Variants in ZNF431 observed in about 807,000 individuals in gnomAD.
The protein encoded by ZNF431 is zinc finger protein 431.
In ZNF431, 34 loss-of-function variants were observed where a neutral mutation model predicts 57.0. The ratio of observed to expected loss-of-function variants is 0.60; its 90% confidence interval spans 0.45 to 0.79. The LOEUF is 0.79. Among genes scored for constraint, ZNF431 ranks in the 30% least tolerant of loss-of-function variants. The pLI is 0.00. For missense variants in ZNF431, 607 were observed against 667.1 expected, an observed-to-expected ratio of 0.91 and a Z score of 0.99; for synonymous variants, 207 against 220.3, an observed-to-expected ratio of 0.94 and a Z score of 0.54.
At chr19:21,173,895 A>AT (rs1269845895) in intron 4 of ZNF431, among the ~76,000 whole-genome samples, 1 of 151,424 alleles carries the variant, frequency 6.6e-6, no homozygotes, top group Non-Finnish European at 1.5e-5. Context: ...GGTTTTTCCC[A>AT]TTTGAATATC....
intron 2 of ZNF431, among the ~76,000 whole-genome samples, chr19:21,160,863 C>T (rs1256799531): frequency 6.6e-6 from 1 of 152,118 alleles, no homozygotes. Flanking sequence ...GCTTCCATTT[C>T]ATATGGTCAT....
chr19:21,177,602 CAT>C (rs1971095627), intron 4 of ZNF431, among the ~76,000 whole-genome samples: 1 of 152,086 alleles, frequency 6.6e-6, no homozygotes, highest in Admixed American at 6.6e-5. Context: ...GCCTGGCTAA[CAT>C]AGTGAAACCC....
At chr19:21,145,907 G>A (rs1477609386) in intron 2 of ZNF431, among the ~76,000 whole-genome samples, 1 of 152,066 alleles carries the variant, frequency 6.6e-6, no homozygotes, top group East Asian at 1.9e-4. Context: ...ATCAGAGAAT[G>A]TTTTACCATG....
chr19:21,150,027 T>C lies in ZNF431; in HGVS notation c.96+6384T>C, dbSNP rs1970225113. The C allele has an allele frequency of 6.7e-6, 4 of 592,746 alleles. No individual in the cohort carries two copies. In the East Asian group the frequency reaches 1.5e-4, roughly 22 times the overall value. The allele number at this position is 592,746 out of a possible 1,614,324, so 36.7% of individuals were successfully genotyped here. ...TCCACCAAGGTGGTGACAGTGTTAATTCCTGCTCGAAGGACACGTGGTCTC... is the reference window on the plus strand; with the variant it reads ...TCCACCAAGGTGGTGACAGTGTTAACTCCTGCTCGAAGGACACGTGGTCTC... On this transcript the variant is annotated intron_variant, in intron 2 of 4. Coordinates refer to ENST00000311048, the MANE Select transcript of ZNF431 (RefSeq NM_133473.4).
intron 2 of ZNF431, among the ~76,000 whole-genome samples, chr19:21,153,417 A>G (rs973898047): frequency 6.6e-6 from 1 of 152,214 alleles, no homozygotes; most frequent in African/African-American, 2.4e-5. Context: ...GTGTCTGGCT[A>G]TGTGATAAAT....
At chr19:21,162,938 A>T (rs564636043) in intron 2 of ZNF431, among the ~76,000 whole-genome samples, 58 of 152,312 alleles carry the variant, frequency 3.8e-4, no homozygotes, top group African/African-American at 1.4e-3. Flanking sequence ...ACTACATTAA[A>T]TTCTCTCATT....
Position 21,152,203 on chromosome 19 carries a change from C to A in ZNF431, c.96+8560C>A, listed in dbSNP as rs183058632. On this transcript the variant is annotated intron_variant, in intron 2 of 4. Transcript: ENST00000311048. ...GGAGTTTTATCTTTTGGTCTCTAGGCAAGATGGTTACTCTGAGTAATATAA... is the reference window on the plus strand; with the variant it reads ...GGAGTTTTATCTTTTGGTCTCTAGGAAAGATGGTTACTCTGAGTAATATAA... Among the ~76,000 whole-genome samples, 25 of 152,034 alleles carry A rather than the reference C, an allele frequency of 1.6e-4. No individual in the cohort carries two copies. In the East Asian group the frequency reaches 4.8e-3, roughly 29 times the overall value.
chr19:21,155,153 G>C (rs1237044654), intron 2 of ZNF431, among the ~76,000 whole-genome samples: 2 of 152,060 alleles, frequency 1.3e-5, no homozygotes, highest in Non-Finnish European at 2.9e-5. Flanking sequence ...TATGGTTTTA[G>C]GTCTAACATT....
Position 21,192,967 on chromosome 19 carries a change from AAAAT to A in ZNF431, c.*8941_*8944del, listed in dbSNP as rs1171386599. On this transcript the variant is annotated 3_prime_UTR_variant, in exon 5 of 5. Transcript: ENST00000311048. ...TGCCTGCAAAATAGAAAATTTGGAG[AAAAT>A]AAATAAACTCCTGGAAACATACAAC... The A allele has an allele frequency of 2.0e-5, 3 of 152,230 alleles. No individual in the cohort carries two copies. Among genetic ancestry groups the A allele is most frequent in the Non-Finnish European group, 2.9e-5 (2 of 68,040 alleles). The allele number at this position is 152,230 out of a possible 1,614,324, so 9.4% of individuals were successfully genotyped here.
intron 2 of ZNF431, among the ~76,000 whole-genome samples, chr19:21,144,205 ATT>A (rs752273595): frequency 6.9e-5 from 10 of 145,020 alleles, no homozygotes; most frequent in South Asian, 2.2e-4. Context: ...AAAGGTAGGA[ATT>A]TTTTTTTTTT....
chr19:21,143,256 CTG>C (rs1340869179), intron 1 of ZNF431, among the ~76,000 whole-genome samples: 4 of 151,916 alleles, frequency 2.6e-5, no homozygotes, highest in Non-Finnish European at 5.9e-5. Context: ...AAAAAAATAT[CTG>C]TAAATATTTC....
intron 2 of ZNF431, among the ~76,000 whole-genome samples, chr19:21,145,401 C>T (rs563692882): frequency 1.6e-4 from 25 of 152,268 alleles, no homozygotes; most frequent in South Asian, 8.3e-4. Context: ...GGCATGAACC[C>T]GAGAGGCGGA....
intron 4 of ZNF431, among the ~76,000 whole-genome samples, chr19:21,171,003 A>G (rs189489453): frequency 5.1e-4 from 77 of 152,324 alleles, no homozygotes; most frequent in Admixed American, 6.5e-5. Context: ...TATTTGTTTT[A>G]CATATCAGAG....
rs1971508748 is a variant in ZNF431, at chr19:21,191,473, G to T, written c.*7439G>T. ...TCTCAAAAAAAAAAAAAAATTTGCT[G>T]CCCAGAACAATGTTATAGGGCTTTT... is the stretch of plus-strand genomic sequence containing the variant. On this transcript the variant is annotated 3_prime_UTR_variant, in exon 5 of 5. Coordinates refer to ENST00000311048, the MANE Select transcript of ZNF431 (RefSeq NM_133473.4). 6.6e-6 allele frequency: 1 copy of T among 151,802 alleles called. No individual in the cohort carries two copies. The highest frequency in any genetic ancestry group is 6.6e-5 in the Admixed American group (1 of 15,208). The allele number at this position is 151,802 out of a possible 1,614,324, so 9.4% of individuals were successfully genotyped here.
At chr19:21,150,412 C>G (rs1033206114) in intron 2 of ZNF431, 1 of 285,100 alleles carries the variant, frequency 3.5e-6, no homozygotes, top group East Asian at 9.6e-5. Context: ...CCACCTTCTT[C>G]CCCTAGGCCT....
rs890206883 is a variant in ZNF431 at position 21,191,443 on chromosome 19, C to T, written c.*7409C>T. 3 of 150,550 alleles carry T rather than the reference C, an allele frequency of 2.0e-5. No homozygotes were observed. Among genetic ancestry groups the T allele is most frequent in the Admixed American group, 2.0e-4 (3 of 15,160 alleles). The allele number at this position is 150,550 out of a possible 1,614,324, so 9.3% of individuals were successfully genotyped here. A position where few individuals can be genotyped will look rare whatever the true frequency, so the allele number is the denominator to read the frequency against. On this transcript the variant is annotated 3_prime_UTR_variant, in exon 5 of 5. Coordinates refer to ENST00000311048, the MANE Select transcript of ZNF431 (RefSeq NM_133473.4). ...CTCCAGCCTTGGCAACAGAATGAAA[C>T]TCTGTCTCAAAAAAAAAAAAAAATT...
Position 21,183,765 on chromosome 19 carries a change from G to A in ZNF431, c.1462G>A (p.Glu488Lys). The A allele has an allele frequency of 6.2e-7, 1 of 1,613,986 alleles. No homozygotes were observed. Among genetic ancestry groups the A allele is most frequent in the East Asian group, 2.2e-5 (1 of 44,868 alleles). ...HTGEKPYKCE[E>K]CGKAFNRSSN... ...TGGAGAGAAACCCTACAAATGTGAA[G>A]AATGTGGCAAAGCTTTTAACCGATC... The change falls in exon 5 of 5, where the codon GAA becomes AAA. Residue 488 changes from glutamate to lysine, a missense_variant. By Grantham distance (56) the Glu-to-Lys change is moderately conservative. Coordinates refer to ENST00000311048, the MANE Select transcript of ZNF431 (RefSeq NM_133473.4).
rs111513530 is a variant in ZNF431 at position 21,174,385 on chromosome 19, G to A, written c.319+6719G>A. On this transcript the variant is annotated intron_variant, in intron 4 of 4. Coordinates refer to ENST00000311048, the MANE Select transcript of ZNF431 (RefSeq NM_133473.4). ...TATTTCTTCCTTCACCTTTGTCAAC[G>A]TTTGCTTTATATATTTTGGAGCCCT... Among the ~76,000 whole-genome samples, 350 of 152,030 alleles carry A rather than the reference G, an allele frequency of 2.3e-3. 2 individuals are homozygous for A. The highest frequency in any genetic ancestry group is 8.2e-3 in the African/African-American group (338 of 41,434).
intron 2 of ZNF431, among the ~76,000 whole-genome samples, chr19:21,158,920 C>T (rs920713072): frequency 6.6e-6 from 1 of 152,150 alleles, no homozygotes; most frequent in Non-Finnish European, 1.5e-5. Flanking sequence ...AGGAATGCAT[C>T]CAGCTTGTGT....
Sources: allele counts gnomAD v4.1 joint callset (sites outside exome capture counted in the v4.1 genomes callset), GRCh38; gene constraint gnomAD v4.1.1; transcripts MANE v1.5; gene names NCBI Gene and HGNC (gene_info 2026-07-23, HGNC 2026-07-21).